The following PAN3 variants were observed in gnomAD, a reference collection of about 807,000 sequenced individuals.
PAN3 encodes the protein PAN2-PAN3 deadenylation complex subunit PAN3.
Under a neutral mutation model 96.2 loss-of-function variants are expected in PAN3, and 19 were observed. The ratio of observed to expected loss-of-function variants is 0.20; its 90% confidence interval spans 0.14 to 0.29. The LOEUF is 0.29. PAN3 is among the 10% of genes least tolerant of loss of function. PAN3 has a pLI of 1.00. For missense variants in PAN3, 882 were observed against 1,108.1 expected (o/e 0.80, Z 2.90); for synonymous variants, 433 against 406.6 (o/e 1.06, Z -0.78).
chr13:28,225,548 G>C (rs1409764857), intron 6 of PAN3, among the ~76,000 whole-genome samples: 1 of 152,186 alleles, frequency 6.6e-6, no homozygotes, highest in Non-Finnish European at 1.5e-5. Flanking sequence ...CGCCAATCTA[G>C]AGGTGGCATT....
rs1030480880 is a variant in PAN3, at chr13:28,154,119, T to G, written c.430+15032T>G. Among the ~76,000 whole-genome samples, 6 of 152,342 alleles carry G rather than the reference T, an allele frequency of 3.9e-5. No homozygotes were observed. The East Asian group carries it at 1.2e-3, about 29-fold the overall frequency. ...AATAGCTTCACCCAAGAACCCAATT[T>G]ATTTAGTTGTTGATATTCAAGTTTG... On this transcript the variant is annotated intron_variant, in intron 1 of 18. Coordinates refer to ENST00000380958, the MANE Select transcript of PAN3 (RefSeq NM_175854.8).
At chr13:28,279,197 GT>G (rs773880728) in intron 15 of PAN3, among the ~76,000 whole-genome samples, 17 of 152,192 alleles carry the variant, frequency 1.1e-4, no homozygotes, top group South Asian at 2.1e-4. Context: ...CTTGAAATGT[GT>G]AGTATTTTCT....
chr13:28,254,651 A>G (rs867507060), intron 6 of PAN3, among the ~76,000 whole-genome samples: 2 of 152,184 alleles, frequency 1.3e-5, no homozygotes, highest in South Asian at 4.1e-4. Flanking sequence ...GCTCTGGAAT[A>G]GTTTTTAAAA....
chr13:28,140,167 C>G (rs1869509436), intron 1 of PAN3, among the ~76,000 whole-genome samples: 1 of 152,142 alleles, frequency 6.6e-6, no homozygotes, highest in Non-Finnish European at 1.5e-5. Context: ...CCAGGCTGGT[C>G]TCAAACTGCT....
intron 5 of PAN3, among the ~76,000 whole-genome samples, chr13:28,217,668 T>A (rs957928622): frequency 2.6e-5 from 4 of 152,116 alleles, no homozygotes; most frequent in Admixed American, 6.5e-5. Context: ...TTAATTTTTT[T>A]AAAATGTCCA....
intron 1 of PAN3, among the ~76,000 whole-genome samples, chr13:28,142,991 C>A (rs1413273911): frequency 6.6e-6 from 1 of 152,128 alleles, no homozygotes; most frequent in Admixed American, 6.5e-5. Context: ...CATGAGAAAA[C>A]TTTATCTTTA....
chr13:28,211,811 A>G (rs1287969880), intron 5 of PAN3, among the ~76,000 whole-genome samples: 1 of 152,224 alleles, frequency 6.6e-6, no homozygotes, highest in East Asian at 1.9e-4. Context: ...ACAGTGAAGG[A>G]CAGTGATCCC....
intron 12 of PAN3, among the ~76,000 whole-genome samples, chr13:28,268,442 A>G (rs973998453): frequency 2.6e-5 from 4 of 152,316 alleles, no homozygotes; most frequent in African/African-American, 9.6e-5. Context: ...TTCCTTAAAC[A>G]TGAAATATTT....
At chr13:28,186,364 T>C (rs1375929893) in intron 4 of PAN3, among the ~76,000 whole-genome samples, 1 of 152,192 alleles carries the variant, frequency 6.6e-6, no homozygotes, top group African/African-American at 2.4e-5. Flanking sequence ...TTTGAGATAA[T>C]AGGCAAGTTA....
intron 6 of PAN3, chr13:28,239,633 A>G: frequency 6.2e-6 from 8 of 1,289,768 alleles, no homozygotes; most frequent in Non-Finnish European, 8.1e-6. Context: ...CCTACAATTC[A>G]TGAAACTGAC....
At chr13:28,184,254 A>G (rs1876173073) in intron 4 of PAN3, among the ~76,000 whole-genome samples, 1 of 150,992 alleles carries the variant, frequency 6.6e-6, no homozygotes, top group Non-Finnish European at 1.5e-5. Flanking sequence ...TCCAGATAAT[A>G]TGGTAAACCT....
Position 28,266,151 on chromosome 13 carries a change from C to T in PAN3, c.1412-564C>T, listed in dbSNP as rs1057413828. Among the ~76,000 whole-genome samples the T allele has an allele frequency of 4.6e-5, 7 of 151,840 alleles. No individual in the cohort carries two copies. In the East Asian group the frequency reaches 1.3e-3, roughly 29 times the overall value. On this transcript the variant is annotated intron_variant, in intron 9 of 18. Coordinates refer to ENST00000380958, the MANE Select transcript of PAN3 (RefSeq NM_175854.8). Reference sequence around the variant, plus strand: ...TAGTGTATAGAAAAGAATAATAATCCTCCCTTTAAAAGGTTACCATTGTTA... The same window carrying T: ...TAGTGTATAGAAAAGAATAATAATCTTCCCTTTAAAAGGTTACCATTGTTA...
intron 17 of PAN3, among the ~76,000 whole-genome samples, chr13:28,285,098 A>G (rs1168511543): frequency 6.6e-6 from 1 of 152,172 alleles, no homozygotes; most frequent in African/African-American, 2.4e-5. Flanking sequence ...TGTTGCTATT[A>G]TAAGTGGGAA....
intron 5 of PAN3, among the ~76,000 whole-genome samples, chr13:28,213,587 C>A (rs968047371): frequency 2.0e-5 from 3 of 151,112 alleles, no homozygotes; most frequent in Admixed American, 2.0e-4. Flanking sequence ...CCAGTGTTTA[C>A]TGTTTTGAAA....
At chr13:28,248,728 G>T (rs184556178) in intron 6 of PAN3, among the ~76,000 whole-genome samples, 1 of 152,234 alleles carries the variant, frequency 6.6e-6, no homozygotes, top group Admixed American at 6.5e-5. Flanking sequence ...TCACCATGTT[G>T]TTTAGGCTGG....
In PAN3 at chr13:28,138,748, C is replaced by T. The variant is rs557844646; in HGVS notation, c.91C>T (p.Pro31Ser). Residue 31 changes from proline (P) to serine (S), a missense_variant, in exon 1 of 19, where the codon CCG (proline) becomes TCG (serine). Around this residue, in one of 3 missense-constraint regions of PAN3, gnomAD observed 442 missense variants for 422.8 expected, o/e 1.05. Transcript: ENST00000380958. Reference sequence around the variant, plus strand: ...GGCGGCGGTGGCGGTGGTGGCCCCGCCGGGGGTCGGGGGTGTCCCCGGCGG... The same window carrying T: ...GGCGGCGGTGGCGGTGGTGGCCCCGTCGGGGGTCGGGGGTGTCCCCGGCGG... ...LAAAVAVVAPPGVGGVPGGAA... is the reference protein window; with the variant it reads ...LAAAVAVVAPSGVGGVPGGAA... 7.6e-6 allele frequency: 10 copies of T among 1,312,824 alleles called. No homozygotes were observed. The South Asian group carries it at 1.5e-4, about 19-fold the overall frequency. 81.3% of individuals were successfully genotyped at this position (1,312,824 alleles called of 1,614,324 possible). A position where few individuals can be genotyped will look rare whatever the true frequency, so the allele number is the denominator to read the frequency against.
chr13:28,250,644 A>G (rs555419460), intron 6 of PAN3, among the ~76,000 whole-genome samples: 55 of 152,176 alleles, frequency 3.6e-4, no homozygotes, highest in African/African-American at 1.3e-3. Context: ...TGGAATTACA[A>G]ACATGAGCCA....
At position 28,256,286 on chromosome 13, in the gene PAN3, C is replaced by T. The variant is rs551260155; in HGVS notation, c.1001-6C>T. The T allele has an allele frequency of 2.5e-6, 4 of 1,609,450 alleles. No individual in the cohort carries two copies. The South Asian group carries it at 3.3e-5, about 13-fold the overall frequency. On this transcript the variant is annotated splice_polypyrimidine_tract_variant and splice_region_variant and intron_variant, in intron 6 of 18. Transcript: ENST00000380958. ...CCATTAAGAAACATTTTTACATCTTCTTCAGGAATGTCGTTGTCTGCTGGG... is the reference window on the plus strand; with the variant it reads ...CCATTAAGAAACATTTTTACATCTTTTTCAGGAATGTCGTTGTCTGCTGGG...
chr13:28,294,974 TAGAA>T lies in PAN3; in HGVS notation c.*2456_*2459del, dbSNP rs1354974642. 2.6e-5 allele frequency: 4 copies of T among 152,138 alleles called. No individual in the cohort carries two copies. The highest frequency in any genetic ancestry group is 9.7e-5 in the African/African-American group (4 of 41,400). The allele number at this position is 152,138 out of a possible 1,614,324, so 9.4% of individuals were successfully genotyped here. A position where few individuals can be genotyped will look rare whatever the true frequency, so the allele number is the denominator to read the frequency against. The stretch of plus-strand genomic sequence containing the variant: ...GTTGTCTAAAAGTCTTTTTAATTAA[TAGAA>T]AGATTTTAATATCCAAGAGTAGTCA... On this transcript the variant is annotated 3_prime_UTR_variant, in exon 19 of 19. Coordinates refer to ENST00000380958, the MANE Select transcript of PAN3 (RefSeq NM_175854.8).
Sources: gnomAD v4.1 joint callset for allele counts (sites outside exome capture counted in the v4.1 genomes callset) on GRCh38, gnomAD v4.1.1 for gene constraint, gnomAD v4.1.1 regional missense constraint, MANE v1.5 for transcripts, NCBI Gene and HGNC (gene_info 2026-07-23, HGNC 2026-07-21) for gene names.